The following LPCAT2 variants were observed in gnomAD, a reference collection of about 807,000 sequenced individuals.
LPCAT2 encodes lysophosphatidylcholine acyltransferase 2, also known as 1-AGP acyltransferase 11.
Under a neutral mutation model 64.7 loss-of-function variants are expected in LPCAT2, and 58 were observed. The ratio of observed to expected loss-of-function variants is 0.90; its 90% CI spans 0.73 to 1.12. LPCAT2 has a LOEUF of 1.12. LPCAT2 is among the 50% of genes most tolerant of loss of function. LPCAT2 has a pLI of 0.00. For synonymous variants in LPCAT2, 252 were observed against 245.3 expected, an observed-to-expected ratio of 1.03 and a Z score of -0.26; for missense variants, 579 against 669.8, an observed-to-expected ratio of 0.86 and a Z score of 1.50.
rs1303418357 is a variant in LPCAT2, at chr16:55,584,182, A to G, written c.*1084A>G. ...TTTAATTTGAGTTAGATAGTTCAGAATGTAGCACTTGCCCTATAAATGAAT... is the reference window on the plus strand; with the variant it reads ...TTTAATTTGAGTTAGATAGTTCAGAGTGTAGCACTTGCCCTATAAATGAAT... On this transcript the variant is annotated 3_prime_UTR_variant, in exon 14 of 14. Coordinates refer to ENST00000262134, the MANE Select transcript of LPCAT2 (RefSeq NM_017839.5). 6.6e-6 allele frequency: 1 copy of G among 152,206 alleles called. No homozygotes were observed. The highest frequency in any genetic ancestry group is 1.9e-4 in the East Asian group (1 of 5,202). 9.4% of individuals were successfully genotyped at this position (152,206 alleles called of 1,614,324 possible).
In LPCAT2 at chr16:55,531,939, G is replaced by T; in HGVS notation, c.668G>T (p.Cys223Phe). The change falls in exon 5 of 14, where the codon TGT becomes TTT. Residue 223 changes from cysteine (C) to phenylalanine (F), a missense_variant. Cys to Phe is a radical substitution (Grantham distance 205). Coordinates refer to ENST00000262134, the MANE Select transcript of LPCAT2 (RefSeq NM_017839.5). ...ATACTAGTTTTCCCAGAAGGTACTT[G>T]TACTAATCGTTCCTGTTTGATTACT... ...PQILVFPEGTCTNRSCLITFK... is the reference protein window; with the variant it reads ...PQILVFPEGTFTNRSCLITFK... The T allele has an allele frequency of 6.3e-7, 1 of 1,591,440 alleles. No individual in the cohort carries two copies. The highest frequency in any genetic ancestry group is 8.6e-7 in the Non-Finnish European group (1 of 1,160,360).
intron 1 of LPCAT2, among the ~76,000 whole-genome samples, chr16:55,524,662 A>C (rs1963143661): frequency 6.6e-6 from 1 of 152,050 alleles, no homozygotes; most frequent in Non-Finnish European, 1.5e-5. Context: ...GAAGCCTACT[A>C]TCTGAGTAAT....
intron 11 of LPCAT2, among the ~76,000 whole-genome samples, chr16:55,571,869 C>A (rs550196144): frequency 6.6e-6 from 1 of 152,132 alleles, no homozygotes; most frequent in East Asian, 1.9e-4. Context: ...AGTTTTGTGA[C>A]CTCAAGAGAA....
chr16:55,515,761 G>A (rs138110813), intron 1 of LPCAT2, among the ~76,000 whole-genome samples: 285 of 152,254 alleles, frequency 1.9e-3, no homozygotes, highest in Middle Eastern at 6.8e-3. Context: ...GTATACTATT[G>A]AAATTAAGTT....
chr16:55,511,226 A>G (rs1342657847), intron 1 of LPCAT2, among the ~76,000 whole-genome samples: 3 of 152,230 alleles, frequency 2.0e-5, no homozygotes, highest in African/African-American at 7.2e-5. Context: ...CAAAGTATAT[A>G]CTGTACTTAA....
chr16:55,533,014 C>T (rs1444354560), intron 6 of LPCAT2, 132 bp downstream of exon 6: 4 of 616,054 alleles, frequency 6.5e-6, no homozygotes, highest in Non-Finnish European at 1.1e-5. Flanking sequence ...GCTCATTCTG[C>T]TCGCCACATC....
intron 6 of LPCAT2, among the ~76,000 whole-genome samples, chr16:55,533,129 C>A (rs996427663): frequency 3.9e-5 from 6 of 152,146 alleles, no homozygotes; most frequent in African/African-American, 1.4e-4. Flanking sequence ...AGCCTTTACT[C>A]TGTTGTCACC....
chr16:55,519,827 T>A (rs1197747292), intron 1 of LPCAT2, among the ~76,000 whole-genome samples: 1 of 152,164 alleles, frequency 6.6e-6, no homozygotes, highest in African/African-American at 2.4e-5. Context: ...CAGTATTAAC[T>A]CTGAGTACAT....
rs1596845793 is a variant in LPCAT2 at position 55,516,544 on chromosome 16, T to A, written c.171+7192T>A. On this transcript the variant is annotated intron_variant, in intron 1 of 13. Coordinates refer to ENST00000262134, the MANE Select transcript of LPCAT2 (RefSeq NM_017839.5). ...ATAAAATAGACTTCAAGACAGAAAT[T>A]GTTGCTAAAGAAAGACATTTATAAT... Among the ~76,000 whole-genome samples, 3 of 152,328 alleles carry A rather than the reference T, an allele frequency of 2.0e-5. No individual in the cohort carries two copies. In the East Asian group the frequency reaches 5.8e-4, roughly 29 times the overall value.
rs139107660 is a variant in LPCAT2, at chr16:55,585,106, C to G, written c.*2008C>G. ...AAATATTTTATGCTCTTTATTTCCACTTCTGTGAATGTGATATTTCTATTT... is the reference window on the plus strand; with the variant it reads ...AAATATTTTATGCTCTTTATTTCCAGTTCTGTGAATGTGATATTTCTATTT... On this transcript the variant is annotated 3_prime_UTR_variant, in exon 14 of 14. Coordinates refer to ENST00000262134, the MANE Select transcript of LPCAT2 (RefSeq NM_017839.5). 8 of 152,234 alleles carry G rather than the reference C, an allele frequency of 5.3e-5. No individual in the cohort carries two copies. The highest frequency in any genetic ancestry group is 1.9e-4 in the African/African-American group (8 of 41,556). The allele number at this position is 152,234 out of a possible 1,614,324, so 9.4% of individuals were successfully genotyped here. A position where few individuals can be genotyped will look rare whatever the true frequency, so the allele number is the denominator to read the frequency against.
intron 11 of LPCAT2, among the ~76,000 whole-genome samples, chr16:55,563,488 C>T (rs1443325453): frequency 6.6e-6 from 1 of 151,876 alleles, no homozygotes; most frequent in East Asian, 1.9e-4. Context: ...TTCAACAGCA[C>T]ACTAAAAGTA....
In LPCAT2 at chr16:55,530,033, G is replaced by A. The variant is rs55731147; in HGVS notation, c.642+86G>A. The A allele has an allele frequency of 1.7e-3, 1,552 of 932,274 alleles. 19 individuals carry two copies. The African/African-American group carries it at 0.023, about 14-fold the overall frequency. 57.8% of individuals were successfully genotyped at this position (932,274 alleles called of 1,614,324 possible). ...ACTTACTCATTTGGATCCACAGATA[G>A]CAATATCTGTGGACACCTATACTAG... On this transcript the variant is annotated intron_variant, in intron 4 of 13. Transcript: ENST00000262134.
At position 55,585,756 on chromosome 16, in the gene LPCAT2, A is replaced by G. The variant is rs369235638; in HGVS notation, c.*2658A>G. The G allele has an allele frequency of 6.6e-6, 1 of 152,288 alleles. No homozygotes were observed. The highest frequency in any genetic ancestry group is 1.9e-4 in the East Asian group (1 of 5,162). The allele number at this position is 152,288 out of a possible 1,614,324, so 9.4% of individuals were successfully genotyped here. On this transcript the variant is annotated 3_prime_UTR_variant, in exon 14 of 14. Transcript: ENST00000262134. ...AAGTGTGATAGTAATGCTAGCTCTA[A>G]TGCATATTTAAAGGAGACTGCCTCG...
rs544730028 is a variant in LPCAT2, at chr16:55,512,596, T to C, written c.171+3244T>C. On this transcript the variant is annotated intron_variant, in intron 1 of 13. Transcript: ENST00000262134. Reference sequence around the variant, plus strand: ...GTCCCAGAAAGGAGGAAACTAGAAATGAGGGAGCCCCTAAATTGGCATATA... The same window carrying C: ...GTCCCAGAAAGGAGGAAACTAGAAACGAGGGAGCCCCTAAATTGGCATATA... 2.5e-4 allele frequency among the ~76,000 whole-genome samples: 38 copies of C among 152,248 alleles called. 1 individual carries two copies. In the South Asian group the frequency reaches 7.7e-3, roughly 31 times the overall value.
chr16:55,538,635 A>G (rs1439458488), intron 8 of LPCAT2: 1 of 148,582 alleles, frequency 6.7e-6, no homozygotes, highest in South Asian at 2.1e-4. Flanking sequence ...TATATTTCAT[A>G]CACCCCCACT....
chr16:55,532,905 G>A, intron 6 of LPCAT2, 23 bp downstream of exon 6: 1 of 1,599,294 alleles, frequency 6.3e-7, no homozygotes. Flanking sequence ...TTTTACCACA[G>A]GAAGAATTTC....
chr16:55,531,786 A>T lies in LPCAT2; in HGVS notation c.643-128A>T, dbSNP rs1329035574. 23 of 647,246 alleles carry T rather than the reference A, an allele frequency of 3.6e-5. No homozygotes were observed. The South Asian group carries it at 3.7e-4, about 10-fold the overall frequency. The allele number at this position is 647,246 out of a possible 1,614,324, so 40.1% of individuals were successfully genotyped here. A position where few individuals can be genotyped will look rare whatever the true frequency, so the allele number is the denominator to read the frequency against. ...CTGATAGTAGCTTTCATTAGAATCA[A>T]ATGTTAGCCTTTTATTTTGTTTTTG... On this transcript the variant is annotated intron_variant, in intron 4 of 13. Coordinates refer to ENST00000262134, the MANE Select transcript of LPCAT2 (RefSeq NM_017839.5).
chr16:55,570,185 T>A (rs1963753445), intron 11 of LPCAT2, among the ~76,000 whole-genome samples: 1 of 152,202 alleles, frequency 6.6e-6, no homozygotes, highest in South Asian at 2.1e-4. Flanking sequence ...GGAAAAAGAA[T>A]CATGTGCTCT....
In LPCAT2 at chr16:55,583,226, G is replaced by T; in HGVS notation, c.*128G>T. The stretch of plus-strand genomic sequence containing the variant: ...AAAGATTTTTAAAACAAAAATGATA[G>T]ATTTTCTTACTAAAAATGTTTTTAT... On this transcript the variant is annotated 3_prime_UTR_variant, in exon 14 of 14. Transcript: ENST00000262134. 2.7e-6 allele frequency: 2 copies of T among 727,702 alleles called. No homozygotes were observed. The highest frequency in any genetic ancestry group is 3.3e-5 in the South Asian group (1 of 30,680). 45.1% of individuals were successfully genotyped at this position (727,702 alleles called of 1,614,324 possible).
Sources: allele counts gnomAD v4.1 joint callset (sites outside exome capture counted in the v4.1 genomes callset), GRCh38; gene constraint gnomAD v4.1.1; transcripts MANE v1.5; gene names NCBI Gene and HGNC (gene_info 2026-07-23, HGNC 2026-07-21).